The following SHC4 variants were observed in gnomAD, a reference collection of about 807,000 sequenced individuals.
SHC4 encodes SHC adaptor protein 4, also known as SHC-transforming protein 4.
Under a neutral mutation model 69.4 loss-of-function variants are expected in SHC4, and 41 were observed. The observed-to-expected ratio is 0.59, with a 90% CI of 0.46 to 0.77. SHC4 has a LOEUF of 0.77. Among genes scored for constraint, SHC4 ranks in the 30% least tolerant of loss-of-function variants. The pLI is 0.00. For missense variants in SHC4, 777 were observed against 783.8 expected (o/e 0.99, Z 0.10); for synonymous variants, 318 against 299.3 (o/e 1.06, Z -0.64).
chr15:48,844,732 C>G (rs1899055212), intron 9 of SHC4, among the ~76,000 whole-genome samples: 1 of 152,114 alleles, frequency 6.6e-6, no homozygotes, highest in Non-Finnish European at 1.5e-5. Flanking sequence ...GGCAGTTTTC[C>G]CTATACTGTT....
intron 1 of SHC4, among the ~76,000 whole-genome samples, chr15:48,927,451 GCA>G (rs1403846951): frequency 2.6e-5 from 4 of 152,178 alleles, no homozygotes; most frequent in Non-Finnish European, 5.9e-5. Context: ...GCCCATCCGT[GCA>G]CACTTTTTGA....
intron 10 of SHC4, among the ~76,000 whole-genome samples, chr15:48,840,196 G>C (rs1898966288): frequency 6.6e-6 from 1 of 152,168 alleles, no homozygotes; most frequent in Non-Finnish European, 1.5e-5. Context: ...TGAGCTTTTA[G>C]GTAAAAGAAA....
At chr15:48,844,617 G>C (rs779777868) in intron 9 of SHC4, among the ~76,000 whole-genome samples, 3 of 152,132 alleles carry the variant, frequency 2.0e-5, no homozygotes, top group Non-Finnish European at 4.4e-5. Flanking sequence ...GTTTGCACTT[G>C]ACCTCTGATA....
chr15:48,895,085 G>A (rs1300471193), intron 2 of SHC4, among the ~76,000 whole-genome samples: 1 of 152,088 alleles, frequency 6.6e-6, no homozygotes, highest in African/African-American at 2.4e-5. Context: ...GATTAGAGGT[G>A]TGAGCCACAG....
At chr15:48,899,242 G>T (rs1033831976) in intron 2 of SHC4, among the ~76,000 whole-genome samples, 1 of 152,078 alleles carries the variant, frequency 6.6e-6, no homozygotes, top group Non-Finnish European at 1.5e-5. Context: ...CAAGGTAGGC[G>T]GATCACTTGA....
At chr15:48,950,264 A>C (rs1901346139) in intron 1 of SHC4, among the ~76,000 whole-genome samples, 1 of 147,326 alleles carries the variant, frequency 6.8e-6, no homozygotes, top group Non-Finnish European at 1.5e-5. Flanking sequence ...TATTTTAGAT[A>C]ATATATAAAA....
intron 6 of SHC4, among the ~76,000 whole-genome samples, chr15:48,861,960 T>C (rs1305449586): frequency 1.3e-5 from 2 of 152,332 alleles, no homozygotes; most frequent in Admixed American, 6.5e-5. Flanking sequence ...CTTTTCCTTT[T>C]ATACTTAGAA....
chr15:48,857,831 C>G lies in SHC4; in HGVS notation c.947-16G>C. On this transcript the variant is annotated splice_polypyrimidine_tract_variant and intron_variant, in intron 6 of 11. Coordinates refer to ENST00000332408, the MANE Select transcript of SHC4 (RefSeq NM_203349.4). ...ATGTGACAGGCTGCAAGAGGACATA[C>G]AAAAAATAATATTATAATAAATTTT... 6.7e-7 allele frequency: 1 copy of G among 1,486,930 alleles called. No homozygotes were observed. The highest frequency in any genetic ancestry group is 8.9e-7 in the Non-Finnish European group (1 of 1,118,664). 92.1% of individuals were successfully genotyped at this position (1,486,930 alleles called of 1,614,324 possible).
intron 1 of SHC4, chr15:48,945,845 T>G (rs1364209934): frequency 6.6e-6 from 1 of 152,226 alleles, no homozygotes; most frequent in Admixed American, 6.5e-5. Flanking sequence ...ACACTTAAAG[T>G]GAATTTTACA....
chr15:48,911,065 A>G (rs556967547), intron 2 of SHC4, among the ~76,000 whole-genome samples: 1 of 152,256 alleles, frequency 6.6e-6, no homozygotes, highest in Admixed American at 6.5e-5. Flanking sequence ...AATGTTCTGT[A>G]TATATCTGTT....
intron 7 of SHC4, among the ~76,000 whole-genome samples, 192 bp from the exon 8 acceptor site, chr15:48,856,316 G>T (rs1376863066): frequency 6.6e-6 from 1 of 152,180 alleles, no homozygotes; most frequent in Non-Finnish European, 1.5e-5. Flanking sequence ...GCTTTCTGTA[G>T]ACAAAACGGG....
chr15:48,832,738 A>C (rs1023959129), intron 11 of SHC4, among the ~76,000 whole-genome samples: 1 of 152,108 alleles, frequency 6.6e-6, no homozygotes, highest in Admixed American at 6.5e-5. Flanking sequence ...TTTTAAAAGT[A>C]ATATTTTTGT....
At chr15:48,827,000 G>A (rs1160817526) in intron 11 of SHC4, among the ~76,000 whole-genome samples, 2 of 152,268 alleles carry the variant, frequency 1.3e-5, no homozygotes, top group African/African-American at 4.8e-5. Flanking sequence ...TGCCTTCTAT[G>A]GAATTCCCTT....
intron 1 of SHC4, among the ~76,000 whole-genome samples, chr15:48,940,120 A>G (rs8027630): frequency 0.019 from 2,865 of 152,308 alleles, 81 homozygotes; most frequent in African/African-American, 0.066. Flanking sequence ...GGCCCAACAT[A>G]TCCACCATCA....
At chr15:48,875,176 T>G (rs1472018200) in intron 4 of SHC4, among the ~76,000 whole-genome samples, 3 of 139,836 alleles carry the variant, frequency 2.1e-5, no homozygotes, top group African/African-American at 7.5e-5. Flanking sequence ...TTGCTTTGCA[T>G]AACATGTAGC....
chr15:48,840,637 G>GCTATCCCCACTCCATCTCTTTATTA (rs1214909353), intron 10 of SHC4, among the ~76,000 whole-genome samples: 1 of 152,170 alleles, frequency 6.6e-6, no homozygotes, highest in African/African-American at 2.4e-5. Flanking sequence ...TATGTATAAA[G>GCTATCCCCACTCCATCTCTTTATTA]CTATCCCCAC....
At chr15:48,885,950 A>G (rs969943793) in intron 3 of SHC4, among the ~76,000 whole-genome samples, 5 of 152,134 alleles carry the variant, frequency 3.3e-5, no homozygotes, top group African/African-American at 1.2e-4. Flanking sequence ...TTTCTTTTCC[A>G]TGCTAGTTTA....
intron 1 of SHC4, among the ~76,000 whole-genome samples, chr15:48,936,114 G>C (rs564241116): frequency 2.0e-5 from 3 of 152,190 alleles, no homozygotes; most frequent in African/African-American, 7.2e-5. Flanking sequence ...CTAGAACATA[G>C]TAGACCCTCC....
chr15:48,887,681 AG>A (rs1171558719), intron 3 of SHC4, among the ~76,000 whole-genome samples: 1 of 152,208 alleles, frequency 6.6e-6, no homozygotes, highest in African/African-American at 2.4e-5. Flanking sequence ...AATAGAAAAT[AG>A]AAAAATAGAT....
Sources: gnomAD v4.1 joint callset for allele counts (sites outside exome capture counted in the v4.1 genomes callset) on GRCh38, gnomAD v4.1.1 for gene constraint, MANE v1.5 for transcripts, NCBI Gene and HGNC (gene_info 2026-07-23, HGNC 2026-07-21) for gene names.